The following CTNNA3 variants were observed in gnomAD, a reference collection of about 807,000 sequenced individuals.
The protein encoded by CTNNA3 is catenin alpha 3.
Under a neutral mutation model 95.7 loss-of-function variants are expected in CTNNA3, and 76 were observed. That is an observed-to-expected ratio of 0.79 (90% CI 0.66 to 0.96). The LOEUF is 0.96. Among genes scored for constraint, CTNNA3 ranks in the 40% least tolerant of loss-of-function variants. The pLI is 0.00. For missense variants in CTNNA3, 1,191 were observed against 1,089.8 expected (o/e 1.09, Z -1.31); for synonymous variants, 431 against 374.4 (o/e 1.15, Z -1.74).
intron 15 of CTNNA3, among the ~76,000 whole-genome samples, chr10:66,012,935 T>A (rs1564577584): frequency 6.6e-6 from 1 of 152,128 alleles, no homozygotes; most frequent in Non-Finnish European, 1.5e-5. Context: ...ATATCAGCTC[T>A]TGTCACCCAG....
chr10:67,303,231 A>C (rs1165175863), intron 5 of CTNNA3, among the ~76,000 whole-genome samples: 1 of 152,240 alleles, frequency 6.6e-6, no homozygotes, highest in Non-Finnish European at 1.5e-5. Flanking sequence ...AAAGCCATAG[A>C]GACAACCACC....
chr10:66,028,887 G>C (rs528416140), intron 15 of CTNNA3, among the ~76,000 whole-genome samples: 1 of 152,062 alleles, frequency 6.6e-6, no homozygotes, highest in African/African-American at 2.4e-5. Flanking sequence ...CCATAATACA[G>C]GTATAGGGTG....
At chr10:67,126,405 T>TA (rs1182701671) in intron 7 of CTNNA3, among the ~76,000 whole-genome samples, 1 of 151,030 alleles carries the variant, frequency 6.6e-6, no homozygotes, top group African/African-American at 2.4e-5. Flanking sequence ...CGCGTGCCTG[T>TA]AATCCCAGCT....
chr10:67,498,501 T>C (rs1360204264), intron 5 of CTNNA3, among the ~76,000 whole-genome samples: 3 of 152,096 alleles, frequency 2.0e-5, no homozygotes, highest in Non-Finnish European at 4.4e-5. Context: ...GGGGATGGCA[T>C]TGAATCTATA....
intron 12 of CTNNA3, among the ~76,000 whole-genome samples, chr10:66,303,984 A>G (rs2091899817): frequency 6.6e-6 from 1 of 152,198 alleles, no homozygotes; most frequent in Non-Finnish European, 1.5e-5. Flanking sequence ...TAACAATAAC[A>G]TCATAAAGAG....
chr10:66,186,281 A>AGTGTGTGTGT (rs60910774), intron 13 of CTNNA3, among the ~76,000 whole-genome samples: 40 of 149,648 alleles, frequency 2.7e-4, no homozygotes, highest in East Asian at 1.2e-3. Flanking sequence ...ATAAAATGTG[A>AGTGTGTGTGT]GTGTGTGTGT....
intron 7 of CTNNA3, among the ~76,000 whole-genome samples, chr10:67,028,517 G>A (rs1853524885): frequency 6.6e-6 from 1 of 151,888 alleles, no homozygotes; most frequent in African/African-American, 2.4e-5. Context: ...AAAGACTTTA[G>A]GCAAATAGTC....
intron 14 of CTNNA3, among the ~76,000 whole-genome samples, chr10:66,070,405 C>T (rs1196184174): frequency 6.6e-6 from 1 of 152,124 alleles, no homozygotes; most frequent in Non-Finnish European, 1.5e-5. Context: ...GGGTTTTCTC[C>T]ATCTTGACTA....
chr10:67,125,513 C>T (rs1859680603), intron 7 of CTNNA3, among the ~76,000 whole-genome samples: 1 of 152,140 alleles, frequency 6.6e-6, no homozygotes, highest in African/African-American at 2.4e-5. Flanking sequence ...ATTCCTCAAA[C>T]TTACATCTAT....
intron 7 of CTNNA3, among the ~76,000 whole-genome samples, chr10:66,932,944 C>T (rs1392537949): frequency 6.6e-6 from 1 of 152,178 alleles, no homozygotes; most frequent in Non-Finnish European, 1.5e-5. Flanking sequence ...TTGACACTTG[C>T]TAATCAAGTC....
At chr10:66,016,081 GAT>G (rs2079090925) in intron 15 of CTNNA3, among the ~76,000 whole-genome samples, 1 of 152,178 alleles carries the variant, frequency 6.6e-6, no homozygotes, top group Admixed American at 6.5e-5. Context: ...TTGATAATCA[GAT>G]AGTATCAGAG....
chr10:67,465,151 G>A (rs369572561), intron 5 of CTNNA3, among the ~76,000 whole-genome samples: 15 of 145,924 alleles, frequency 1.0e-4, no homozygotes, highest in African/African-American at 3.4e-4. Context: ...TGCATGTGGT[G>A]TCATTATAAG....
intron 1 of CTNNA3, among the ~76,000 whole-genome samples, chr10:67,678,908 G>A (rs1840578871): frequency 6.6e-6 from 1 of 152,138 alleles, no homozygotes; most frequent in African/African-American, 2.4e-5. Flanking sequence ...TGTGTTTGAT[G>A]ATGGAAGTAG....
At position 67,044,754 on chromosome 10, in the gene CTNNA3, TC is replaced by T. The variant is rs371024994; in HGVS notation, c.1047+135562del. 8.9e-4 allele frequency among the ~76,000 whole-genome samples: 136 copies of T among 152,298 alleles called. 3 individuals are homozygous for T. The highest frequency in any genetic ancestry group is 3.2e-3 in the African/African-American group (132 of 41,574). On this transcript the variant is annotated intron_variant, in intron 7 of 17. Transcript: ENST00000433211. Reference sequence around the variant, plus strand: ...TAAAGTAACATAATAGATATTTTGCTCAGCAAAAAGCATGATTCAGCCTAGC... The same window carrying T: ...TAAAGTAACATAATAGATATTTTGCTAGCAAAAAGCATGATTCAGCCTAGC...
At chr10:67,527,520 T>C (rs12357857) in intron 4 of CTNNA3, among the ~76,000 whole-genome samples, 21,365 of 152,230 alleles carry the variant, frequency 0.14, 3,384 homozygotes, top group African/African-American at 0.4. Context: ...CAATTCTGAC[T>C]GAAAATTTTC....
In CTNNA3 at chr10:66,851,628, TCACATACA is replaced by T. The variant is rs1382874903; in HGVS notation, c.1048-76112_1048-76105del. Reference sequence around the variant, plus strand: ...ATCCCCACCCACCTCTCTCTTTCTCTCACATACACACACACACACACACACACACACAC... The same window carrying T: ...ATCCCCACCCACCTCTCTCTTTCTCTCACACACACACACACACACACACAC... On this transcript the variant is annotated intron_variant, in intron 7 of 17. Transcript: ENST00000433211. Among the ~76,000 whole-genome samples the T allele has an allele frequency of 1.8e-3, 165 of 92,852 alleles. 2 individuals are homozygous for T. Among genetic ancestry groups the T allele is most frequent in the African/African-American group, 7.5e-3 (160 of 21,352 alleles). 60.9% of individuals were successfully genotyped at this position (92,852 alleles called of 152,430 possible).
chr10:67,305,364 TAA>T (rs58055640), intron 5 of CTNNA3, among the ~76,000 whole-genome samples: 250 of 116,006 alleles, frequency 2.2e-3, no homozygotes, highest in African/African-American at 6.1e-3. Context: ...TAGAGTATAA[TAA>T]AAAAAAAAAA....
chr10:67,360,099 C>T (rs1279665684), intron 5 of CTNNA3, among the ~76,000 whole-genome samples: 1 of 151,994 alleles, frequency 6.6e-6, no homozygotes, highest in Admixed American at 6.6e-5. Flanking sequence ...TCAAACCCCA[C>T]CAAACTAAGC....
intron 9 of CTNNA3, among the ~76,000 whole-genome samples, chr10:66,686,305 A>AT: frequency 6.6e-6 from 1 of 151,630 alleles, no homozygotes; most frequent in Middle Eastern, 3.4e-3. Flanking sequence ...TCTCTACAAA[A>AT]AATATGAAAA....
Sources: gnomAD v4.1 joint callset for allele counts (sites outside exome capture counted in the v4.1 genomes callset) on GRCh38, gnomAD v4.1.1 for gene constraint, MANE v1.5 for transcripts, NCBI Gene and HGNC (gene_info 2026-07-23, HGNC 2026-07-21) for gene names.